Variants in CREB5 observed in about 807,000 individuals in gnomAD.
CREB5 encodes the protein cAMP responsive element binding protein 5, also known as cyclic AMP-responsive element-binding protein 5.
In CREB5, 19 loss-of-function variants were observed where a neutral mutation model predicts 57.1. That is an observed-to-expected ratio of 0.33 (90% CI 0.23 to 0.49). The LOEUF is 0.49. CREB5 is among the 20% of genes least tolerant of loss of function. The probability of loss-of-function intolerance (pLI) is 0.99; values close to 1 mark genes in which losing one functional copy is unlikely to be tolerated. For synonymous variants in CREB5, 238 were observed against 238.3 expected, an observed-to-expected ratio of 1.00 and a Z score of 0.01; for missense variants, 579 against 671.6, an observed-to-expected ratio of 0.86 and a Z score of 1.52.
Position 28,776,055 on chromosome 7 carries a change from C to T in CREB5, c.703-28144C>T, listed in dbSNP as rs150667088. 4.8e-3 allele frequency among the ~76,000 whole-genome samples: 728 copies of T among 152,162 alleles called. 3 individuals are homozygous for T. The highest frequency in any genetic ancestry group is 0.017 in the African/African-American group (702 of 41,518). The stretch of plus-strand genomic sequence containing the variant: ...GAGCTTAACTAGAAAGTTAAGCGTG[C>T]GGCTGGGCGCAGTGGCTCACGCCTG... On this transcript the variant is annotated intron_variant, in intron 7 of 10. Transcript: ENST00000357727.
intron 8 of CREB5, 112 bp from the exon 9 acceptor site, chr7:28,809,075 C>T: frequency 1.0e-6 from 1 of 962,478 alleles, no homozygotes; most frequent in Non-Finnish European, 1.6e-6. Context: ...CATATGCTGA[C>T]TGAAACGATA....
At chr7:28,509,331 C>A (rs949021419) in intron 4 of CREB5, among the ~76,000 whole-genome samples, 1 of 152,152 alleles carries the variant, frequency 6.6e-6, no homozygotes, top group African/African-American at 2.4e-5. Flanking sequence ...TTCATGATTT[C>A]TTATATGAAG....
At chr7:28,805,813 G>GTAAT (rs1808694324) in intron 8 of CREB5, among the ~76,000 whole-genome samples, 1 of 152,130 alleles carries the variant, frequency 6.6e-6, no homozygotes, top group Admixed American at 6.5e-5. Context: ...ATGGGGCTGG[G>GTAAT]TAATAGTAGA....
At chr7:28,437,586 C>T (rs1329756168) in intron 1 of CREB5, among the ~76,000 whole-genome samples, 1 of 152,068 alleles carries the variant, frequency 6.6e-6, no homozygotes, top group Non-Finnish European at 1.5e-5. Context: ...AGTTTAGTGA[C>T]ATTAATTTCA....
intron 1 of CREB5, among the ~76,000 whole-genome samples, chr7:28,425,264 G>GT (rs953989759): frequency 6.6e-6 from 1 of 151,444 alleles, no homozygotes; most frequent in African/African-American, 2.4e-5. Flanking sequence ...TTACTTGGTT[G>GT]TAAAAAAAAA....
chr7:28,373,383 G>A lies in CREB5; in HGVS notation c.-25+73942G>A, dbSNP rs947140916. Among the ~76,000 whole-genome samples the A allele has an allele frequency of 2.6e-5, 4 of 151,844 alleles. No individual in the cohort carries two copies. In the East Asian group the frequency reaches 7.7e-4, roughly 29 times the overall value. On this transcript the variant is annotated intron_variant, in intron 1 of 9. Coordinates refer to the CREB5 transcript ENST00000396299. ...AAAACATGTACAGAAGTGACAAAAT[G>A]TTAAAAAGTGGTAGTAGGATATGTG... is the stretch of plus-strand genomic sequence containing the variant.
At chr7:28,704,699 C>T (rs1032943933) in intron 5 of CREB5, among the ~76,000 whole-genome samples, 1 of 152,130 alleles carries the variant, frequency 6.6e-6, no homozygotes, top group African/African-American at 2.4e-5. Context: ...TCAAGAGATC[C>T]TCCCGCCTCA....
intron 5 of CREB5, among the ~76,000 whole-genome samples, chr7:28,587,710 ATGT>A (rs1314204122): frequency 1.3e-5 from 2 of 152,152 alleles, no homozygotes; most frequent in Non-Finnish European, 2.9e-5. Context: ...TGCTTGTTTA[ATGT>A]GGTTTATTTT....
At chr7:28,443,237 T>A (rs1313752524) in intron 1 of CREB5, among the ~76,000 whole-genome samples, 2 of 152,114 alleles carry the variant, frequency 1.3e-5, no homozygotes, top group Admixed American at 6.5e-5. Context: ...CCTATGAGAG[T>A]GATGTGGAGT....
chr7:28,560,861 T>TGCGC (rs1358670336), intron 4 of CREB5, among the ~76,000 whole-genome samples: 1,938 of 45,780 alleles, frequency 0.042, 302 homozygotes, highest in East Asian at 0.16. Context: ...TGTGTGTGCG[T>TGCGC]GTGCCTGCGT....
chr7:28,545,776 G>T (rs929567517), intron 4 of CREB5, among the ~76,000 whole-genome samples: 2 of 151,926 alleles, frequency 1.3e-5, no homozygotes, highest in African/African-American at 2.4e-5. Flanking sequence ...CAGTTTCCAC[G>T]CCCATTCTCT....
intron 4 of CREB5, among the ~76,000 whole-genome samples, chr7:28,523,646 T>C (rs2128617657): frequency 6.6e-6 from 1 of 152,348 alleles, no homozygotes; most frequent in South Asian, 2.1e-4. Context: ...CTCAGGAAAA[T>C]GAAATAAGCC....
intron 5 of CREB5, among the ~76,000 whole-genome samples, chr7:28,648,346 C>T (rs78014911): frequency 6.6e-6 from 1 of 151,988 alleles, no homozygotes; most frequent in Admixed American, 6.6e-5. Flanking sequence ...AAAGAGTATC[C>T]AACTCAATTT....
intron 7 of CREB5, among the ~76,000 whole-genome samples, chr7:28,757,847 A>G (rs1189423360): frequency 6.6e-6 from 1 of 152,124 alleles, no homozygotes. Flanking sequence ...CTGAAAAGTC[A>G]AAATCTGAAA....
chr7:28,682,646 A>G (rs6968464), intron 5 of CREB5, among the ~76,000 whole-genome samples: 128,823 of 150,944 alleles, frequency 0.85, 55,089 homozygotes, highest in East Asian at 0.95. Context: ...AAGATGATAT[A>G]CTTTTCCTTG....
chr7:28,785,932 G>A (rs1807296546), intron 7 of CREB5, among the ~76,000 whole-genome samples: 1 of 152,176 alleles, frequency 6.6e-6, no homozygotes, highest in South Asian at 2.1e-4. Context: ...GGAAACCTCT[G>A]AGCAGACTTC....
intron 1 of CREB5, among the ~76,000 whole-genome samples, chr7:28,334,345 C>T (rs534078652): frequency 1.2e-4 from 18 of 151,948 alleles, no homozygotes; most frequent in African/African-American, 3.9e-4. Flanking sequence ...TTAGTAGAGA[C>T]GGGGTTTCAC....
chr7:28,610,576 G>A (rs535545158), intron 5 of CREB5, among the ~76,000 whole-genome samples: 42 of 152,236 alleles, frequency 2.8e-4, no homozygotes, highest in African/African-American at 8.4e-4. Flanking sequence ...CAGGCTTCCC[G>A]AAGATAAGAA....
intron 1 of CREB5, among the ~76,000 whole-genome samples, chr7:28,401,658 C>T (rs1273639571): frequency 7.2e-5 from 11 of 152,172 alleles, no homozygotes; most frequent in South Asian, 2.1e-4. Flanking sequence ...TGAGAACATG[C>T]GGTGTTTGGT....
Sources: gnomAD v4.1 joint callset for allele counts (sites outside exome capture counted in the v4.1 genomes callset) on GRCh38, gnomAD v4.1.1 for gene constraint, MANE v1.5 for transcripts, NCBI Gene and HGNC (gene_info 2026-07-23, HGNC 2026-07-21) for gene names.